SIPA1L2: variants seen among roughly 807,000 people sequenced by gnomAD.
The protein encoded by SIPA1L2 is signal induced proliferation associated 1 like 2, also known as signal-induced proliferation-associated 1-like protein 2.
Under a neutral mutation model 163.9 loss-of-function variants are expected in SIPA1L2, and 56 were observed. That is an observed-to-expected ratio of 0.34 (90% CI 0.28 to 0.43). The LOEUF (loss-of-function observed/expected upper bound fraction) is 0.43. Among genes scored for constraint, SIPA1L2 ranks in the 20% least tolerant of loss-of-function variants. The pLI is 1.00. For missense variants in SIPA1L2, 1,974 were observed against 2,193.5 expected (o/e 0.90, Z 2.00); for synonymous variants, 877 against 865.7 (o/e 1.01, Z -0.23).
At position 232,493,677 on chromosome 1, in the gene SIPA1L2, A is replaced by G; in HGVS notation, c.1484-17T>C. 6.2e-7 allele frequency: 1 copy of G among 1,613,096 alleles called. No individual in the cohort carries two copies. The highest frequency in any genetic ancestry group is 8.5e-7 in the Non-Finnish European group (1 of 1,179,698). On this transcript the variant is annotated splice_polypyrimidine_tract_variant and intron_variant, in intron 3 of 22. Coordinates refer to ENST00000674635, the MANE Select transcript of SIPA1L2 (RefSeq NM_020808.5). ...TTTGGTGCTCTATAATGGAAGAGAG[A>G]GGGTGGCATCAAAAGAATGAAAAAG... is the stretch of plus-strand genomic sequence containing the variant.
At chr1:232,404,097 G>A (rs746253961) in intron 20 of SIPA1L2, 28 bp downstream of exon 20, 6 of 1,613,582 alleles carry the variant, frequency 3.7e-6, no homozygotes, top group East Asian at 2.2e-5. Context: ...AGGATATCAG[G>A]AGCCAACGAG....
chr1:232,613,467 G>A (rs1662352031), intron 1 of SIPA1L2, among the ~76,000 whole-genome samples: 1 of 152,158 alleles, frequency 6.6e-6, no homozygotes. Flanking sequence ...CTTTTATTAT[G>A]GAGTCAAGGG....
chr1:232,586,808 A>G lies in SIPA1L2; in HGVS notation c.-318-12586T>C, dbSNP rs569253431. On this transcript the variant is annotated intron_variant, in intron 1 of 22. Transcript: ENST00000674635. ...GAGTGAAACAGGAGTCTTTGTCACA[A>G]ACAGCATCAATTACATAACCAATGT... Among the ~76,000 whole-genome samples, 4 of 152,386 alleles carry G rather than the reference A, an allele frequency of 2.6e-5. No individual in the cohort carries two copies. The South Asian group carries it at 8.3e-4, about 32-fold the overall frequency.
At chr1:232,508,202 T>C (rs1666816972) in intron 3 of SIPA1L2, among the ~76,000 whole-genome samples, 1 of 152,170 alleles carries the variant, frequency 6.6e-6, no homozygotes, top group Non-Finnish European at 1.5e-5. Context: ...TAGCCACTTT[T>C]CACTTCACTC....
At chr1:232,527,812 AGCTC>A (rs1667785480) in intron 2 of SIPA1L2, among the ~76,000 whole-genome samples, 2 of 135,590 alleles carry the variant, frequency 1.5e-5, no homozygotes, top group South Asian at 4.7e-4. Context: ...AGCTTACTGC[AGCTC>A]AAACTCCTGG....
chr1:232,491,805 A>G (rs545824126), intron 4 of SIPA1L2, among the ~76,000 whole-genome samples: 12 of 152,304 alleles, frequency 7.9e-5, no homozygotes, highest in Non-Finnish European at 1.6e-4. Flanking sequence ...GATGGCAGTC[A>G]TAAGGATACC....
chr1:232,403,430 C>T lies in SIPA1L2; in HGVS notation c.4940+18G>A. The T allele has an allele frequency of 1.2e-6, 2 of 1,610,116 alleles. No homozygotes were observed. Among genetic ancestry groups the T allele is most frequent in the Non-Finnish European group, 1.7e-6 (2 of 1,178,092 alleles). ...GCCTGGAACAGCAGGAGGGAGGGGT[C>T]CACAGGGGCTCACATACCCAGTTGT... On this transcript the variant is annotated intron_variant, in intron 21 of 22. Coordinates refer to ENST00000674635, the MANE Select transcript of SIPA1L2 (RefSeq NM_020808.5).
chr1:232,490,253 C>G (rs1665859099), intron 5 of SIPA1L2, among the ~76,000 whole-genome samples: 1 of 152,152 alleles, frequency 6.6e-6, no homozygotes, highest in Non-Finnish European at 1.5e-5. Context: ...TCATGTCTCC[C>G]TCTTAGAATT....
intron 18 of SIPA1L2, among the ~76,000 whole-genome samples, chr1:232,424,055 G>A (rs1009901289): frequency 3.2e-4 from 48 of 152,144 alleles, no homozygotes; most frequent in Admixed American, 2.6e-3. Context: ...CTGTAATGGC[G>A]GATACATGTC....
chr1:232,512,184 G>A lies in SIPA1L2; in HGVS notation c.1483+1673C>T, dbSNP rs142251516. Among the ~76,000 whole-genome samples, 256 of 152,218 alleles carry A rather than the reference G, an allele frequency of 1.7e-3. 1 individual carries two copies. Among genetic ancestry groups the A allele is most frequent in the African/African-American group, 5.4e-3 (224 of 41,540 alleles). On this transcript the variant is annotated intron_variant, in intron 3 of 22. Transcript: ENST00000674635. Reference sequence around the variant, plus strand: ...AAACCTCAATGAGATACCATCTCACGCCAATTAGAATGGCGATCATTAAAG... The same window carrying A: ...AAACCTCAATGAGATACCATCTCACACCAATTAGAATGGCGATCATTAAAG...
chr1:232,439,704 T>A (rs1184528124), intron 14 of SIPA1L2, among the ~76,000 whole-genome samples: 1 of 152,236 alleles, frequency 6.6e-6, no homozygotes, highest in Non-Finnish European at 1.5e-5. Context: ...ATAATTTATC[T>A]AAGTTAAATG....
chr1:232,490,830 G>A (rs1411455077), intron 5 of SIPA1L2, 44 bp downstream of exon 5: 1 of 1,537,320 alleles, frequency 6.5e-7, no homozygotes, highest in East Asian at 2.3e-5. Flanking sequence ...TTCAGAAACA[G>A]ACACAAATTC....
chr1:232,456,425 T>A (rs1326349242), intron 10 of SIPA1L2, among the ~76,000 whole-genome samples: 1 of 152,158 alleles, frequency 6.6e-6, no homozygotes, highest in East Asian at 1.9e-4. Flanking sequence ...CATGATAACA[T>A]GAGAAAATTT....
chr1:232,501,867 A>G (rs1666498717), intron 3 of SIPA1L2, among the ~76,000 whole-genome samples: 1 of 152,138 alleles, frequency 6.6e-6, no homozygotes, highest in African/African-American at 2.4e-5. Flanking sequence ...GGCTCTCTCA[A>G]TCTACTAGGA....
At chr1:232,507,143 T>C (rs1038345579) in intron 3 of SIPA1L2, among the ~76,000 whole-genome samples, 3 of 152,064 alleles carry the variant, frequency 2.0e-5, no homozygotes, top group South Asian at 2.1e-4. Context: ...TTCCATTTAG[T>C]TGTCATGTCC....
chr1:232,579,302 G>T (rs1309204043), intron 1 of SIPA1L2, among the ~76,000 whole-genome samples: 1 of 151,928 alleles, frequency 6.6e-6, no homozygotes, highest in Non-Finnish European at 1.5e-5. Flanking sequence ...AAAAAAAAAG[G>T]CTACTTTTTG....
Position 232,515,303 on chromosome 1 carries a change from T to A in SIPA1L2, c.37A>T (p.Lys13Ter). The A allele has an allele frequency of 6.2e-7, 1 of 1,609,174 alleles. No individual in the cohort carries two copies. The highest frequency in any genetic ancestry group is 8.5e-7 in the Non-Finnish European group (1 of 1,177,110). Residue 13 changes from lysine to a stop codon, truncating the protein, a stop_gained, in exon 3 of 23, where the codon AAG (lysine) becomes TAG (stop). Transcript: ENST00000674635. LOFTEE classifies it high-confidence loss of function. ...AACTTTGAAGAGGCTCTGCCTAGCT[T>A]GTGCTTCTCTTCTTGTGACTGCCTT... ...DPRQSQEEKHKLGRASSKFKD... is the reference protein window; with the variant it reads ...DPRQSQEEKH
chr1:232,481,605 C>T (rs937158783), intron 6 of SIPA1L2, among the ~76,000 whole-genome samples: 1 of 152,148 alleles, frequency 6.6e-6, no homozygotes, highest in African/African-American at 2.4e-5. Context: ...TGTAGACTAA[C>T]AAGGCTTGTT....
At chr1:232,493,749 TG>T in intron 3 of SIPA1L2, 89 bp from the exon 4 acceptor site, 2 of 1,495,210 alleles carry the variant, frequency 1.3e-6, no homozygotes, top group Non-Finnish European at 1.8e-6. Context: ...ATCAAATCTC[TG>T]AAGAAATACC....
Sources: gnomAD v4.1 joint callset for allele counts (sites outside exome capture counted in the v4.1 genomes callset) on GRCh38, gnomAD v4.1.1 for gene constraint, MANE v1.5 for transcripts, NCBI Gene and HGNC (gene_info 2026-07-23, HGNC 2026-07-21) for gene names.